Variants in MTRR observed in about 807,000 individuals in gnomAD.
MTRR encodes methionine synthase reductase.
Under a neutral mutation model 79.2 loss-of-function variants are expected in MTRR, and 63 were observed. That is an observed-to-expected ratio of 0.80 (90% CI 0.65 to 0.98). MTRR has a LOEUF of 0.98. Among genes scored for constraint, MTRR ranks in the 50% least tolerant of loss-of-function variants. The pLI is 0.00. For missense variants in MTRR, 895 were observed against 839.6 expected, an observed-to-expected ratio of 1.07 and a Z score of -0.82; for synonymous variants, 355 against 313.3, an observed-to-expected ratio of 1.13 and a Z score of -1.41.
chr5:7,883,306 A>C (rs1292909425), intron 6 of MTRR, 29 bp downstream of exon 6: 2 of 1,613,932 alleles, frequency 1.2e-6, no homozygotes, highest in Non-Finnish European at 1.7e-6. Context: ...TTCTCAGCAC[A>C]GTAATATTGT....
intron 1 of MTRR, chr5:7,859,281 A>G: frequency 2.4e-6 from 1 of 419,412 alleles, no homozygotes; most frequent in Non-Finnish European, 4.2e-6. Context: ...ACCACAATAA[A>G]TGTATACATA....
chr5:7,871,267 T>C (rs1334934872), intron 2 of MTRR, among the ~76,000 whole-genome samples: 1 of 152,198 alleles, frequency 6.6e-6, no homozygotes, highest in African/African-American at 2.4e-5. Flanking sequence ...TGAATCTCAG[T>C]GTCCCACTTT....
chr5:7,865,803 CT>C, upstream of MTRR: 1 of 909,326 alleles, frequency 1.1e-6, no homozygotes, highest in Non-Finnish European at 1.7e-6. Flanking sequence ...TGAAATTCTG[CT>C]TTTTCAGGTT....
At chr5:7,875,429 T>C in intron 4 of MTRR, 54 bp downstream of exon 4, 1 of 1,386,756 alleles carries the variant, frequency 7.2e-7, no homozygotes, top group Non-Finnish European at 1.0e-6. Context: ...ATGATGGAAG[T>C]TGATTTGTAA....
upstream of MTRR, chr5:7,867,585 C>T: frequency 6.2e-7 from 1 of 1,614,274 alleles, no homozygotes; most frequent in Non-Finnish European, 8.5e-7. Context: ...GGCTCCTTTT[C>T]AAACTGAAAG....
chr5:7,866,607 T>C, upstream of MTRR: 5 of 1,452,882 alleles, frequency 3.4e-6, no homozygotes, highest in Non-Finnish European at 4.7e-6. Context: ...AGTTCAAAGG[T>C]TACTTTTTTC....
chr5:7,888,489 C>G (rs1421353075), intron 8 of MTRR, among the ~76,000 whole-genome samples: 1 of 152,146 alleles, frequency 6.6e-6, no homozygotes, highest in East Asian at 1.9e-4. Flanking sequence ...TTTCCTGAGT[C>G]GTTGTTTTTG....
In MTRR at chr5:7,873,546, G is replaced by T; in HGVS notation, c.283+20G>T. On this transcript the variant is annotated intron_variant, in intron 3 of 14. Coordinates refer to ENST00000440940, the MANE Select transcript of MTRR (RefSeq NM_002454.3). ...TACTGGGTAATGGACTCTCTCTTCT[G>T]ATCTTACTATAGTATACTATTGATA... 6.2e-7 allele frequency: 1 copy of T among 1,612,808 alleles called. No homozygotes were observed. The highest frequency in any genetic ancestry group is 8.5e-7 in the Non-Finnish European group (1 of 1,178,896).
chr5:7,870,198 T>A, intron 1 of MTRR: 1 of 447,666 alleles, frequency 2.2e-6, no homozygotes, highest in Non-Finnish European at 3.0e-6. Flanking sequence ...TGATTTGCAT[T>A]AAATAATGAA....
rs557018438 is a variant in MTRR at position 7,897,261 on chromosome 5, G to A, written c.1952+14G>A. 21 of 1,613,798 alleles carry A rather than the reference G, an allele frequency of 1.3e-5. No homozygotes were observed. Among genetic ancestry groups the A allele is most frequent in the South Asian group, 7.7e-5 (7 of 91,060 alleles). ...TTATGTGTGTGGGTGAGTCATTATC[G>A]TGCCTAAGTCGGGTAGGAGAGGGCC... On this transcript the variant is annotated intron_variant, in intron 14 of 14. Transcript: ENST00000440940.
At chr5:7,892,591 C>A in intron 10 of MTRR, 136 bp from the exon 11 acceptor site, 1 of 944,994 alleles carries the variant, frequency 1.1e-6, no homozygotes, top group Non-Finnish European at 1.7e-6. Context: ...GTAATAATGG[C>A]TTTCCTCTGT....
intron 4 of MTRR, 89 bp downstream of exon 4, chr5:7,875,464 C>G (rs1748718444): frequency 4.3e-6 from 5 of 1,152,330 alleles, no homozygotes; most frequent in Non-Finnish European, 6.6e-6. Context: ...TCACTTAACA[C>G]TGAAATTTTC....
chr5:7,868,101 T>A, upstream of MTRR: 1 of 1,524,432 alleles, frequency 6.6e-7, no homozygotes, highest in Non-Finnish European at 8.9e-7. Context: ...GATTCTCAAT[T>A]TGATAACTAA....
intron 4 of MTRR, among the ~76,000 whole-genome samples, chr5:7,876,920 G>C (rs946157115): frequency 4.6e-5 from 7 of 152,216 alleles, no homozygotes; most frequent in Non-Finnish European, 1.0e-4. Flanking sequence ...TGAGTTGTGA[G>C]AGTGATATTT....
intron 9 of MTRR, among the ~76,000 whole-genome samples, chr5:7,889,816 G>A (rs995250478): frequency 6.6e-6 from 1 of 152,178 alleles, no homozygotes; most frequent in Non-Finnish European, 1.5e-5. Flanking sequence ...TGTCGTACCA[G>A]TGCAAATCAA....
rs538692195 is a variant in MTRR, at chr5:7,864,071, G to A, written n.498+2014G>A. ...TCACCATGTTAGCAAGGCTGGTCTCGAACTCCTGACCTCAGGTGATCCACC... is the reference window on the plus strand; with the variant it reads ...TCACCATGTTAGCAAGGCTGGTCTCAAACTCCTGACCTCAGGTGATCCACC... On this transcript the variant is annotated intron_variant and non_coding_transcript_variant, in intron 2 of 3. Transcript: ENST00000502509. 3.4e-4 allele frequency among the ~76,000 whole-genome samples: 52 copies of A among 152,188 alleles called. 1 individual carries two copies. The East Asian group carries it at 7.7e-3, about 23-fold the overall frequency.
chr5:7,881,797 A>G (rs533745180), intron 5 of MTRR, among the ~76,000 whole-genome samples: 8 of 152,002 alleles, frequency 5.3e-5, no homozygotes, highest in African/African-American at 1.7e-4. Flanking sequence ...TAGCCCCCCA[A>G]GTCCCACCAG....
intron 2 of MTRR, among the ~76,000 whole-genome samples, chr5:7,862,611 A>G (rs1746631601): frequency 6.6e-6 from 1 of 152,126 alleles, no homozygotes; most frequent in African/African-American, 2.4e-5. Context: ...TATTCTGCCC[A>G]GGATATTCTG....
rs79461020 is a variant in MTRR at position 7,872,082 on chromosome 5, A to G, written c.129+1159A>G. On this transcript the variant is annotated intron_variant, in intron 2 of 14. Transcript: ENST00000440940. ...GGTTTCGTCTAGCTGTTCATAATCT[A>G]ATATCCTTCCTATTTCACATAGTCC... is the stretch of plus-strand genomic sequence containing the variant. The G allele has an allele frequency of 4.6e-3, 1,149 of 249,524 alleles. 19 individuals carry two copies. The highest frequency in any genetic ancestry group is 0.025 in the African/African-American group (1,092 of 43,738). The allele number at this position is 249,524 out of a possible 1,614,324, so 15.5% of individuals were successfully genotyped here.
Sources: allele counts gnomAD v4.1 joint callset (sites outside exome capture counted in the v4.1 genomes callset), GRCh38; gene constraint gnomAD v4.1.1; transcripts MANE v1.5; gene names NCBI Gene and HGNC (gene_info 2026-07-23, HGNC 2026-07-21).